The following FBXW4 variants were observed in gnomAD, a reference collection of about 807,000 sequenced individuals.
FBXW4 encodes the protein F-box and WD repeat domain containing 4.
FBXW4 carries 40 observed loss-of-function variants against 61.8 expected under a neutral mutation model. The ratio of observed to expected loss-of-function variants is 0.65; its 90% CI spans 0.50 to 0.84. The LOEUF is 0.84. Among genes scored for constraint, FBXW4 ranks in the 40% least tolerant of loss-of-function variants. The pLI, the probability that FBXW4 is intolerant of heterozygous loss-of-function variation, is 0.00. For synonymous variants in FBXW4, 311 were observed against 313.8 expected, an observed-to-expected ratio of 0.99 and a Z score of 0.10; for missense variants, 672 against 753.8, an observed-to-expected ratio of 0.89 and a Z score of 1.27.
chr10:101,660,734 G>A (rs2064234505), intron 5 of FBXW4, among the ~76,000 whole-genome samples: 1 of 152,218 alleles, frequency 6.6e-6, no homozygotes, highest in South Asian at 2.1e-4. Flanking sequence ...GATGAGCAGA[G>A]TGGAAGAAAG....
intron 1 of FBXW4, among the ~76,000 whole-genome samples, chr10:101,692,465 A>G (rs2064616514): frequency 6.6e-6 from 1 of 152,114 alleles, no homozygotes; most frequent in African/African-American, 2.4e-5. Flanking sequence ...CTATTAAAAA[A>G]TTAAATTAGG....
chr10:101,658,793 G>T (rs1271129628), intron 5 of FBXW4, among the ~76,000 whole-genome samples: 1 of 151,940 alleles, frequency 6.6e-6, no homozygotes, highest in Non-Finnish European at 1.5e-5. Context: ...CCAGCCCCTA[G>T]TCTACTTACA....
chr10:101,677,959 A>G (rs1241855612), intron 1 of FBXW4, among the ~76,000 whole-genome samples: 1 of 152,188 alleles, frequency 6.6e-6, no homozygotes, highest in Non-Finnish European at 1.5e-5. Flanking sequence ...AAATGTACTG[A>G]TATCTGTAAC....
chr10:101,660,096 G>C (rs896707507), intron 5 of FBXW4: 7 of 985,296 alleles, frequency 7.1e-6, no homozygotes, highest in Admixed American at 6.1e-5. Context: ...GGGAGGGGTC[G>C]GAGTCAGATT....
At position 101,624,672 on chromosome 10, in the gene FBXW4, G is replaced by A. The variant is rs1444356710; in HGVS notation, c.1301+73C>T. On this transcript the variant is annotated intron_variant, in intron 6 of 8. Transcript: ENST00000331272. ...TCTCCTGGACCACTCAGCCAACTGA[G>A]GCAGAGGCTGGCTCAGCAAGCTTTC... is the stretch of plus-strand genomic sequence containing the variant. 6.0e-5 allele frequency: 93 copies of A among 1,538,592 alleles called. No homozygotes were observed. In the East Asian group the frequency reaches 2.0e-3, roughly 33 times the overall value.
chr10:101,694,603 T>G lies in FBXW4; in HGVS notation c.503A>C (p.Glu168Ala), dbSNP rs575669609. 8.9e-5 allele frequency: 110 copies of G among 1,235,570 alleles called. No individual in the cohort carries two copies. The highest frequency in any genetic ancestry group is 5.4e-4 in the African/African-American group (34 of 63,332). The allele number at this position is 1,235,570 out of a possible 1,614,324, so 76.5% of individuals were successfully genotyped here. ...AAAGEEEEEE[E>A]AARESAARPA... ...GCGGGCAGCCGACTCCCGAGCCGCCTCCTCCTCCTCCTCCTCCTCCCCGGC... is the reference window on the plus strand; with the variant it reads ...GCGGGCAGCCGACTCCCGAGCCGCCGCCTCCTCCTCCTCCTCCTCCCCGGC... The change falls in exon 1 of 9, where the codon GAG becomes GCG. Residue 168 changes from glutamate (E) to alanine (A), a missense_variant. Around this residue, in one of 5 missense-constraint regions of FBXW4, gnomAD observed 311 missense variants for 301.1 expected, o/e 1.03. Coordinates refer to ENST00000331272, the MANE Select transcript of FBXW4 (RefSeq NM_022039.4). The surrounding 1 kb of genome is among the most constrained non-coding windows in gnomAD (Gnocchi z 6.0).
At chr10:101,655,304 T>C (rs1304504693) in intron 5 of FBXW4, among the ~76,000 whole-genome samples, 4 of 152,266 alleles carry the variant, frequency 2.6e-5, no homozygotes. Flanking sequence ...TTCCTCTTTT[T>C]ATTCTTGAAC....
Position 101,612,377 on chromosome 10 carries a change from C to T in FBXW4, c.1402G>A (p.Asp468Asn). 6.3e-7 allele frequency: 1 copy of T among 1,597,730 alleles called. No individual in the cohort carries two copies. Among genetic ancestry groups the T allele is most frequent in the Non-Finnish European group, 8.5e-7 (1 of 1,171,434 alleles). ...AGGTCCCAGTAGCGAACATAGGTGT[C>T]ATAGCCACAGGACAGCAGTGTGAAA... ...SPFTLLSCGY[D>N]TYVRYWDLRT... Residue 468 changes from aspartate (D) to asparagine (N), a missense_variant, in exon 7 of 9, where the codon GAC becomes AAC. This residue lies in a region of FBXW4 where 312 missense variants were observed against 370.1 expected (regional missense o/e 0.84). Coordinates refer to ENST00000331272, the MANE Select transcript of FBXW4 (RefSeq NM_022039.4).
chr10:101,645,308 A>T (rs1193249843), intron 5 of FBXW4, among the ~76,000 whole-genome samples: 1 of 152,208 alleles, frequency 6.6e-6, no homozygotes, highest in African/African-American at 2.4e-5. Flanking sequence ...TGAGACAAGC[A>T]GGCCTACAAG....
intron 2 of FBXW4, among the ~76,000 whole-genome samples, chr10:101,675,049 A>G: frequency 6.6e-6 from 1 of 152,224 alleles, no homozygotes; most frequent in East Asian, 1.9e-4. Context: ...CCAGACTCGT[A>G]CAAGTGTCAT....
chr10:101,649,192 CT>C (rs1406589606), intron 5 of FBXW4, among the ~76,000 whole-genome samples: 1 of 152,210 alleles, frequency 6.6e-6, no homozygotes, highest in East Asian at 1.9e-4. Context: ...TGAACACCCC[CT>C]ATAGATACAT....
At chr10:101,685,172 T>C (rs1174390950) in intron 1 of FBXW4, among the ~76,000 whole-genome samples, 1 of 152,212 alleles carries the variant, frequency 6.6e-6, no homozygotes, top group East Asian at 1.9e-4. Context: ...TTCTTTAAAA[T>C]CTAGATAAAG....
upstream of FBXW4, chr10:101,695,188 G>T: frequency 1.0e-6 from 1 of 985,480 alleles, no homozygotes; most frequent in Non-Finnish European, 1.2e-6. The surrounding 1 kb of genome is among the most constrained non-coding windows in gnomAD (Gnocchi z 4.2). Flanking sequence ...CACCATGTCG[G>T]ACCGGGTCAC....
chr10:101,652,379 AC>A (rs902301926), intron 5 of FBXW4, among the ~76,000 whole-genome samples: 2 of 152,084 alleles, frequency 1.3e-5, no homozygotes, highest in Admixed American at 6.6e-5. Flanking sequence ...CGCCCTGGAT[AC>A]CAGTACACAT....
intron 5 of FBXW4, among the ~76,000 whole-genome samples, chr10:101,634,437 A>G (rs1280902417): frequency 6.7e-6 from 1 of 149,290 alleles, no homozygotes; most frequent in Non-Finnish European, 1.5e-5. Context: ...AAATTCATCT[A>G]GAAGAGGAAA....
At chr10:101,655,351 C>T (rs930299048) in intron 5 of FBXW4, among the ~76,000 whole-genome samples, 24 of 152,158 alleles carry the variant, frequency 1.6e-4, no homozygotes, top group African/African-American at 4.8e-4. Context: ...ATTTTCCGGA[C>T]CAAAGACTTC....
intron 5 of FBXW4, among the ~76,000 whole-genome samples, chr10:101,656,915 TC>T (rs1311908760): frequency 6.6e-6 from 1 of 152,034 alleles, no homozygotes; most frequent in African/African-American, 2.4e-5. Context: ...ACCCCACCTG[TC>T]CCCCCTACAC....
intron 1 of FBXW4, 185 bp from the exon 2 acceptor site, chr10:101,676,621 C>T (rs2064411432): frequency 3.8e-6 from 1 of 262,500 alleles, no homozygotes; most frequent in Non-Finnish European, 7.0e-6. Flanking sequence ...AAAGCCTGTC[C>T]TTTAAACTAT....
chr10:101,691,085 T>A (rs889336401), intron 1 of FBXW4, among the ~76,000 whole-genome samples: 1 of 152,188 alleles, frequency 6.6e-6, no homozygotes, highest in Non-Finnish European at 1.5e-5. Context: ...TTATGTGGCT[T>A]CTGGTCAAAT....
Sources: gnomAD v4.1 joint callset for allele counts (sites outside exome capture counted in the v4.1 genomes callset) on GRCh38, gnomAD v4.1.1 for gene constraint, gnomAD v4.1.1 regional missense constraint, Gnocchi (gnomAD v3.1) non-coding constraint, MANE v1.5 for transcripts, NCBI Gene and HGNC (gene_info 2026-07-23, HGNC 2026-07-21) for gene names.